RBFOX1: variants seen among roughly 807,000 people sequenced by gnomAD.
RBFOX1 encodes RNA binding protein fox-1 homolog 1.
Under a neutral mutation model 57.7 loss-of-function variants are expected in RBFOX1, and 8 were observed. The observed-to-expected ratio is 0.14, with a 90% CI of 0.08 to 0.25. The LOEUF (loss-of-function observed/expected upper bound fraction) is 0.25, where lower values mean the gene tolerates loss of function less well. RBFOX1 is among the 10% of genes least tolerant of loss of function. The pLI, the probability that RBFOX1 is intolerant of heterozygous loss-of-function variation, is 1.00. For synonymous variants in RBFOX1, 326 were observed against 222.4 expected (o/e 1.47, Z -4.15); for missense variants, 611 against 548.5 (o/e 1.11, Z -1.14).
Position 5,897,016 on chromosome 16 carries a change from C to CTTTTTTTTTTTTTTTTTTTTTT in RBFOX1, c.351+29690_351+29711dup, listed in dbSNP as rs575235024. Among the ~76,000 whole-genome samples the CTTTTTTTTTTTTTTTTTTTTTT allele has an allele frequency of 1.1e-3, 61 of 56,468 alleles. 9 individuals are homozygous for CTTTTTTTTTTTTTTTTTTTTTT. Among genetic ancestry groups the CTTTTTTTTTTTTTTTTTTTTTT allele is most frequent in the East Asian group, 1.3e-3 (2 of 1,506 alleles). The allele number at this position is 56,468 out of a possible 152,430, so 37.0% of individuals were successfully genotyped here. A position where few individuals can be genotyped will look rare whatever the true frequency, so the allele number is the denominator to read the frequency against. ...CCCCCACTAAAAATGTATCCATCCG[C>CTTTTTTTTTTTTTTTTTTTTTT]TTTTTTTTTTTTTTTTTTTTTTTTT... On this transcript the variant is annotated intron_variant, in intron 4 of 19. Coordinates refer to the RBFOX1 transcript ENST00000641259.
chr16:5,818,615 A>G (rs549414445), intron 3 of RBFOX1, among the ~76,000 whole-genome samples: 1 of 152,360 alleles, frequency 6.6e-6, no homozygotes, highest in Non-Finnish European at 1.5e-5. Flanking sequence ...GTTAGTTTTG[A>G]CGAGAAATTA....
At chr16:5,766,527 G>T (rs552381948) in intron 3 of RBFOX1, among the ~76,000 whole-genome samples, 3 of 152,298 alleles carry the variant, frequency 2.0e-5, no homozygotes, top group African/African-American at 7.2e-5. Flanking sequence ...AGAGGTTGCA[G>T]TGAGCCGAGA....
chr16:7,253,769 C>T lies in RBFOX1; in HGVS notation c.27+201671C>T, dbSNP rs780324500. Reference sequence around the variant, plus strand: ...CCTCTCGTTACTTACCTTGCTGCCTCCTTGTGACTGGGAGTTCATGATGGG... The same window carrying T: ...CCTCTCGTTACTTACCTTGCTGCCTTCTTGTGACTGGGAGTTCATGATGGG... On this transcript the variant is annotated intron_variant, in intron 4 of 15. Transcript: ENST00000550418. 1.7e-4 allele frequency among the ~76,000 whole-genome samples: 26 copies of T among 152,160 alleles called. 1 individual carries two copies. Among genetic ancestry groups the T allele is most frequent in the Non-Finnish European group, 2.8e-4 (19 of 68,028 alleles).
intron 11 of RBFOX1, among the ~76,000 whole-genome samples, chr16:7,631,216 C>T (rs1035521961): frequency 1.6e-4 from 25 of 152,146 alleles, no homozygotes; most frequent in African/African-American, 6.0e-4. Context: ...GTTCCCCCCT[C>T]ATTTAATCAA....
At chr16:7,091,193 C>T (rs1015902374) in intron 4 of RBFOX1, among the ~76,000 whole-genome samples, 3 of 151,992 alleles carry the variant, frequency 2.0e-5, no homozygotes, top group Non-Finnish European at 4.4e-5. Flanking sequence ...CTCACATTTT[C>T]TCATTTACAT....
chr16:6,121,833 CTG>C lies in RBFOX1; in HGVS notation c.-127+101844_-127+101845del, dbSNP rs145297472. On this transcript the variant is annotated intron_variant, in intron 1 of 15. Transcript: ENST00000550418. ...AATGGTACCTATCTTTAAAGGATGA[CTG>C]TGGGATTAAGTGAGGCAATACCTGT... Among the ~76,000 whole-genome samples, 1,250 of 152,282 alleles carry C rather than the reference CTG, an allele frequency of 8.2e-3. 19 individuals carry two copies. The highest frequency in any genetic ancestry group is 0.029 in the African/African-American group (1,199 of 41,548).
At chr16:6,265,656 A>C (rs985589384) in intron 1 of RBFOX1, among the ~76,000 whole-genome samples, 2 of 152,214 alleles carry the variant, frequency 1.3e-5, no homozygotes, top group African/African-American at 4.8e-5. Flanking sequence ...CTTGTGCAGG[A>C]TATGTGCGTC....
chr16:6,567,192 C>A (rs916611041), intron 2 of RBFOX1, among the ~76,000 whole-genome samples: 1 of 152,110 alleles, frequency 6.6e-6, no homozygotes, highest in African/African-American at 2.4e-5. Context: ...ACCAAGCAGT[C>A]AGACTATTTT....
intron 10 of RBFOX1, among the ~76,000 whole-genome samples, chr16:7,611,579 CA>C (rs1042522584): frequency 0.025 from 2,115 of 85,962 alleles, 14 homozygotes; most frequent in Middle Eastern, 0.084. Context: ...AACTCTGTCT[CA>C]AAAAAAAAAA....
chr16:5,327,296 G>A (rs980172100), intron 1 of RBFOX1, among the ~76,000 whole-genome samples: 3 of 152,132 alleles, frequency 2.0e-5, no homozygotes, highest in Non-Finnish European at 4.4e-5. Flanking sequence ...TCTCTATTGA[G>A]TCTGTATCCC....
At chr16:6,188,744 G>T (rs1272744565) in intron 1 of RBFOX1, among the ~76,000 whole-genome samples, 1 of 152,142 alleles carries the variant, frequency 6.6e-6, no homozygotes, top group Non-Finnish European at 1.5e-5. Context: ...CAGTAAATGG[G>T]CACCTGTATC....
intron 3 of RBFOX1, among the ~76,000 whole-genome samples, chr16:6,985,114 T>G (rs1295327698): frequency 1.3e-5 from 2 of 150,692 alleles, no homozygotes; most frequent in Non-Finnish European, 2.9e-5. Flanking sequence ...TTCCTTCCCC[T>G]ACCCTACCCT....
intron 1 of RBFOX1, among the ~76,000 whole-genome samples, chr16:6,279,031 T>G (rs1408724813): frequency 2.0e-5 from 3 of 152,170 alleles, no homozygotes; most frequent in Non-Finnish European, 4.4e-5. Context: ...CAAAATTAAT[T>G]GATCCTGGTG....
intron 4 of RBFOX1, among the ~76,000 whole-genome samples, chr16:7,172,977 A>G (rs774853376): frequency 1.2e-4 from 19 of 152,198 alleles, no homozygotes; most frequent in Non-Finnish European, 2.5e-4. Flanking sequence ...GTTTTCGTGT[A>G]AAAGAATTGC....
At chr16:6,693,226 T>G (rs1372155480) in intron 3 of RBFOX1, among the ~76,000 whole-genome samples, 5 of 148,556 alleles carry the variant, frequency 3.4e-5, no homozygotes, top group Non-Finnish European at 7.4e-5. Flanking sequence ...ACCGTCATCC[T>G]CCTCCACTAC....
chr16:7,476,169 T>C (rs926220792), intron 4 of RBFOX1, among the ~76,000 whole-genome samples: 9 of 152,086 alleles, frequency 5.9e-5, no homozygotes, highest in African/African-American at 2.2e-4. Context: ...GATGCTGTTT[T>C]GCCATGTTGC....
chr16:7,140,546 A>G (rs1165299313), intron 4 of RBFOX1, among the ~76,000 whole-genome samples: 2 of 152,162 alleles, frequency 1.3e-5, no homozygotes, highest in Non-Finnish European at 2.9e-5. Flanking sequence ...TTTTAAGTGC[A>G]TAAATGAATG....
intron 2 of RBFOX1, among the ~76,000 whole-genome samples, chr16:6,336,645 T>C: frequency 6.6e-6 from 1 of 152,168 alleles, no homozygotes; most frequent in South Asian, 2.1e-4. Flanking sequence ...TCAACTTCCT[T>C]GGCCTCTGTC....
intron 1 of RBFOX1, among the ~76,000 whole-genome samples, chr16:6,174,642 AAGTT>A (rs1419809507): frequency 1.3e-5 from 2 of 152,092 alleles, no homozygotes; most frequent in African/African-American, 4.8e-5. Flanking sequence ...AAAAATATAA[AAGTT>A]AGGATATCAG....
Sources: allele counts gnomAD v4.1 joint callset (sites outside exome capture counted in the v4.1 genomes callset), GRCh38; gene constraint gnomAD v4.1.1; transcripts MANE v1.5; gene names NCBI Gene and HGNC (gene_info 2026-07-23, HGNC 2026-07-21).